The following AEBP1 variants were observed in gnomAD, a reference collection of about 807,000 sequenced individuals.
AEBP1 encodes the protein AE binding protein 1.
AEBP1 carries 69 observed loss-of-function variants against 116.5 expected under a neutral mutation model. The ratio of observed to expected loss-of-function variants is 0.59; its 90% CI spans 0.49 to 0.72. The LOEUF (loss-of-function observed/expected upper bound fraction) is 0.72. Among genes scored for constraint, AEBP1 ranks in the 30% least tolerant of loss-of-function variants. The pLI is 0.00. For synonymous variants in AEBP1, 627 were observed against 627.3 expected, an observed-to-expected ratio of 1.00 and a Z score of 0.01; for missense variants, 1,444 against 1,557.5, an observed-to-expected ratio of 0.93 and a Z score of 1.23.
chr7:44,107,886 C>T lies in AEBP1; in HGVS notation c.817C>T (p.Pro273Ser), dbSNP rs2537188. The T allele has an allele frequency of 2.5e-6, 4 of 1,598,944 alleles. No individual in the cohort carries two copies. The highest frequency in any genetic ancestry group is 3.4e-6 in the Non-Finnish European group (4 of 1,173,758). Reference sequence around the variant, plus strand: ...GAGGCCCGAGCGGGTCTGGCCAGAGCCCCCTGAGGAGAAGGCCCCGGCCCC... The same window carrying T: ...GAGGCCCGAGCGGGTCTGGCCAGAGTCCCCTGAGGAGAAGGCCCCGGCCCC... ...RRRPERVWPE[P>S]PEEKAPAPAP... Residue 273 changes from proline to serine, a missense_variant, in exon 5 of 21, where the codon CCC (proline) becomes TCC (serine). Pro to Ser is a moderately conservative substitution (Grantham distance 74). Coordinates refer to ENST00000223357, the MANE Select transcript of AEBP1 (RefSeq NM_001129.5). The surrounding 1 kb of genome is among the most constrained non-coding windows in gnomAD (Gnocchi z 4.3).
At position 44,113,992 on chromosome 7, in the gene AEBP1, C is replaced by T. The variant is rs746102175; in HGVS notation, c.3208C>T (p.Leu1070Phe). The change falls in exon 21 of 21, where the codon CTC (leucine) becomes TTC (phenylalanine). Residue 1070 changes from leucine (L) to phenylalanine (F), a missense_variant. Leu to Phe is a conservative substitution (Grantham distance 22). Transcript: ENST00000223357. This position sits in a 1 kb window ranked among gnomAD's most constrained non-coding sequence, Gnocchi z 5.3. ...TLSTTIEPWG[L>F]IPPTTAGWEE... ...GAGCACTACCATAGAGCCCTGGGGC[C>T]TCATACCGCCAACCACCGCTGGCTG... The T allele has an allele frequency of 2.5e-6, 4 of 1,613,838 alleles. No individual in the cohort carries two copies. In the African/African-American group the frequency reaches 5.3e-5, roughly 22 times the overall value.
At position 44,107,078 on chromosome 7, in the gene AEBP1, G is replaced by A. The variant is rs907116491; in HGVS notation, c.595+191G>A. On this transcript the variant is annotated intron_variant, in intron 2 of 20. Coordinates refer to ENST00000223357, the MANE Select transcript of AEBP1 (RefSeq NM_001129.5). The surrounding 1 kb of genome is among the most constrained non-coding windows in gnomAD (Gnocchi z 4.3). ...CCCTCAGTGCTGTAGCCTCTTTTGG[G>A]TAGGGAGAGGGCTTGGCAGCCTTTT... Among the ~76,000 whole-genome samples the A allele has an allele frequency of 6.6e-6, 1 of 152,246 alleles. No individual in the cohort carries two copies. The highest frequency in any genetic ancestry group is 6.5e-5 in the Admixed American group (1 of 15,292).
chr7:44,114,046 G>C lies in AEBP1; in HGVS notation c.3262G>C (p.Glu1088Gln). 1 of 1,614,080 alleles carries C rather than the reference G, an allele frequency of 6.2e-7. No individual in the cohort carries two copies. The highest frequency in any genetic ancestry group is 8.5e-7 in the Non-Finnish European group (1 of 1,180,018). ...WEESETETYT[E>Q]VVTEFGTEVE... The stretch of plus-strand genomic sequence containing the variant: ...GGAGTCGGAGACTGAGACCTACACA[G>C]AGGTGGTGACAGAGTTTGGGACCGA... Residue 1088 changes from glutamate to glutamine, a missense_variant, in exon 21 of 21, where the codon GAG becomes CAG. Transcript: ENST00000223357.
chr7:44,109,222 G>A, intron 8 of AEBP1, 38 bp downstream of exon 8: 1 of 1,612,610 alleles, frequency 6.2e-7, no homozygotes, highest in South Asian at 1.1e-5. Flanking sequence ...TCCCTGTGGG[G>A]CAGCATCTGG....
In AEBP1 at chr7:44,107,901, G is replaced by A. The variant is rs750822533; in HGVS notation, c.832G>A (p.Ala278Thr). ...RVWPEPPEEK[A>T]PAPAPEERIE... ...CTGGCCAGAGCCCCCTGAGGAGAAG[G>A]CCCCGGCCCCAGCCCCGGAGGAGAG... is the stretch of plus-strand genomic sequence containing the variant. The change falls in exon 5 of 21, where the codon GCC becomes ACC. Residue 278 changes from alanine to threonine, a missense_variant. Transcript: ENST00000223357. This position sits in a 1 kb window ranked among gnomAD's most constrained non-coding sequence, Gnocchi z 4.3. 23 of 1,595,630 alleles carry A rather than the reference G, an allele frequency of 1.4e-5. No individual in the cohort carries two copies. In the African/African-American group the frequency reaches 2.8e-4, roughly 20 times the overall value.
chr7:44,109,259 G>A, intron 8 of AEBP1, 29 bp from the exon 9 acceptor site: 4 of 1,611,810 alleles, frequency 2.5e-6, no homozygotes, highest in Non-Finnish European at 3.4e-6. Flanking sequence ...CGGGCCCTTG[G>A]TGCCATGTCC....
In AEBP1 at chr7:44,106,375, G is replaced by A. The variant is rs555130912; in HGVS notation, c.254-171G>A. ...CCCAGACTTGCAGACAGAAAATCTG[G>A]GTCCGGATCCCAGTTTGCCACTTGG... On this transcript the variant is annotated intron_variant, in intron 1 of 20. Transcript: ENST00000223357. The A allele has an allele frequency of 3.3e-4, 256 of 776,340 alleles. 2 individuals are homozygous for A. In the South Asian group the frequency reaches 3.4e-3, roughly 10 times the overall value. 48.1% of individuals were successfully genotyped at this position (776,340 alleles called of 1,614,324 possible).
chr7:44,109,350 G>T lies in AEBP1; in HGVS notation c.1150+9G>T. On this transcript the variant is annotated intron_variant, in intron 9 of 20. Coordinates refer to ENST00000223357, the MANE Select transcript of AEBP1 (RefSeq NM_001129.5). ...GCCTACGGAGAAAGTCAGTAAGTGGGGGGCACAAGGGGGTGAGGGTGGGGG... is the reference window on the plus strand; with the variant it reads ...GCCTACGGAGAAAGTCAGTAAGTGGTGGGCACAAGGGGGTGAGGGTGGGGG... The T allele has an allele frequency of 6.4e-7, 1 of 1,574,156 alleles. No homozygotes were observed. Among genetic ancestry groups the T allele is most frequent in the African/African-American group, 1.4e-5 (1 of 74,046 alleles).
In AEBP1 at chr7:44,108,173, C is replaced by A; in HGVS notation, c.940+89C>A. On this transcript the variant is annotated intron_variant, in intron 6 of 20. Transcript: ENST00000223357. The surrounding 1 kb of genome is among the most constrained non-coding windows in gnomAD (Gnocchi z 5.0). ...GTCAGGAGCCAGCTGGGGCAACTCA[C>A]CCACCTTGCAACCCCACCTGTGCCC... 6.8e-6 allele frequency: 9 copies of A among 1,322,402 alleles called. No individual in the cohort carries two copies. Among genetic ancestry groups the A allele is most frequent in the South Asian group, 1.3e-5 (1 of 76,478 alleles). 81.9% of individuals were successfully genotyped at this position (1,322,402 alleles called of 1,614,324 possible).
Position 44,113,767 on chromosome 7 carries a change from G to A in AEBP1, c.2983G>A (p.Ala995Thr). 6.2e-7 allele frequency: 1 copy of A among 1,614,118 alleles called. No individual in the cohort carries two copies. The highest frequency in any genetic ancestry group is 1.1e-5 in the South Asian group (1 of 91,088). ...CTGGAAGCGCATCCGGGAGATCATG[G>A]CCATGAACGGGAACCGGCCTATCCC... Reference protein sequence around the residue: ...SNWKRIREIMAMNGNRPIPHI... With the variant: ...SNWKRIREIMTMNGNRPIPHI... The change falls in exon 21 of 21, where the codon GCC (alanine) becomes ACC (threonine). Residue 995 changes from alanine (A) to threonine (T), a missense_variant. By Grantham distance (58) the Ala-to-Thr change is moderately conservative. Coordinates refer to ENST00000223357, the MANE Select transcript of AEBP1 (RefSeq NM_001129.5). The surrounding 1 kb of genome is among the most constrained non-coding windows in gnomAD (Gnocchi z 5.3).
rs1007000975 is a variant in AEBP1, at chr7:44,104,395, G to C, written c.-271G>C. ...GCGCGGGAGTGCGCCACGCGGGGCC[G>C]GAGCGCCTATTAGCCGCCAGGACCT... On this transcript the variant is annotated 5_prime_UTR_variant, in exon 1 of 21. Transcript: ENST00000223357. The C allele has an allele frequency of 3.2e-6, 1 of 315,006 alleles. No homozygotes were observed. Among genetic ancestry groups the C allele is most frequent in the Non-Finnish European group, 5.8e-6 (1 of 173,388 alleles). 19.5% of individuals were successfully genotyped at this position (315,006 alleles called of 1,614,324 possible).
In AEBP1 at chr7:44,104,936, G is replaced by A; in HGVS notation, c.253+18G>A. The A allele has an allele frequency of 2.0e-6, 3 of 1,520,960 alleles. No individual in the cohort carries two copies. The highest frequency in any genetic ancestry group is 2.7e-6 in the Non-Finnish European group (3 of 1,131,676). The allele number at this position is 1,520,960 out of a possible 1,614,324, so 94.2% of individuals were successfully genotyped here. A position where few individuals can be genotyped will look rare whatever the true frequency, so the allele number is the denominator to read the frequency against. ...CGCAGAAGGTAAGAGCCCAGGGCAG[G>A]GCGGGGGTGTGGGGGGCTGGCATCT... On this transcript the variant is annotated intron_variant, in intron 1 of 20. Transcript: ENST00000223357.
In AEBP1 at chr7:44,108,232, GC is replaced by G; in HGVS notation, c.940+151del. 1.4e-6 allele frequency: 1 copy of G among 737,508 alleles called. No homozygotes were observed. Among genetic ancestry groups the G allele is most frequent in the African/African-American group, 1.8e-5 (1 of 57,088 alleles). 45.7% of individuals were successfully genotyped at this position (737,508 alleles called of 1,614,324 possible). A position where few individuals can be genotyped will look rare whatever the true frequency, so the allele number is the denominator to read the frequency against. On this transcript the variant is annotated intron_variant, in intron 6 of 20. Transcript: ENST00000223357. The surrounding 1 kb of genome is among the most constrained non-coding windows in gnomAD (Gnocchi z 5.0). ...CTCGCTGTCCCTGCTGTCCCTGCGT[GC>G]CCACCCCAGCCACTGCCCTGTCTCC...
chr7:44,109,387 G>T, intron 9 of AEBP1, 46 bp downstream of exon 9: 1 of 1,461,118 alleles, frequency 6.8e-7, no homozygotes, highest in Non-Finnish European at 9.1e-7. Flanking sequence ...CACAGGATGG[G>T]GGTGCTGGGA....
At chr7:44,105,995 A>G (rs530964432) in intron 1 of AEBP1, among the ~76,000 whole-genome samples, 1 of 152,154 alleles carries the variant, frequency 6.6e-6, no homozygotes, top group South Asian at 2.1e-4. Flanking sequence ...CCTTCCAATC[A>G]ATTCCAAACC....
chr7:44,109,042 C>T (rs1049006254), intron 7 of AEBP1, 65 bp from the exon 8 acceptor site: 7 of 1,610,190 alleles, frequency 4.3e-6, no homozygotes, highest in African/African-American at 1.3e-5. Flanking sequence ...CTGCCTGATC[C>T]ACCCCACATG....
intron 11 of AEBP1, 23 bp downstream of exon 11, chr7:44,110,369 A>G (rs1389739482): frequency 1.2e-6 from 2 of 1,613,248 alleles, no homozygotes; most frequent in African/African-American, 2.7e-5. Context: ...GCTCATGGAT[A>G]GTTGGCAGAG....
At position 44,107,342 on chromosome 7, in the gene AEBP1, C is replaced by T; in HGVS notation, c.596-97C>T. The T allele has an allele frequency of 8.1e-7, 1 of 1,241,900 alleles. No homozygotes were observed. The highest frequency in any genetic ancestry group is 1.2e-6 in the Non-Finnish European group (1 of 852,448). The allele number at this position is 1,241,900 out of a possible 1,614,324, so 76.9% of individuals were successfully genotyped here. ...TCGGCCTCAGGAGGGTGTCCACAGG[C>T]TCTGTGTGGGCTCTATGGGTGGCTG... On this transcript the variant is annotated intron_variant, in intron 2 of 20. Coordinates refer to ENST00000223357, the MANE Select transcript of AEBP1 (RefSeq NM_001129.5). This position sits in a 1 kb window ranked among gnomAD's most constrained non-coding sequence, Gnocchi z 4.3.
chr7:44,114,280 A>G lies in AEBP1; in HGVS notation c.*19A>G. ...CTTCTGAGATCAGCGTCCTACCAAGACCCCAGCCCAACTCAAGCTACAGCA... is the reference window on the plus strand; with the variant it reads ...CTTCTGAGATCAGCGTCCTACCAAGGCCCCAGCCCAACTCAAGCTACAGCA... On this transcript the variant is annotated 3_prime_UTR_variant, in exon 21 of 21. Transcript: ENST00000223357. 1.2e-6 allele frequency: 2 copies of G among 1,610,946 alleles called. No homozygotes were observed. Among genetic ancestry groups the G allele is most frequent in the South Asian group, 1.1e-5 (1 of 91,026 alleles).
Sources: gnomAD v4.1 joint callset for allele counts (sites outside exome capture counted in the v4.1 genomes callset) on GRCh38, gnomAD v4.1.1 for gene constraint, Gnocchi (gnomAD v3.1) non-coding constraint, MANE v1.5 for transcripts, NCBI Gene and HGNC (gene_info 2026-07-23, HGNC 2026-07-21) for gene names.